The following VEGFC variants were observed in gnomAD, a reference collection of about 807,000 sequenced individuals.
The protein encoded by VEGFC is vascular endothelial growth factor C.
Under a neutral mutation model 46.1 loss-of-function variants are expected in VEGFC, and 12 were observed. The ratio of observed to expected loss-of-function variants is 0.26; its 90% CI spans 0.17 to 0.42. The LOEUF is 0.42. Among genes scored for constraint, VEGFC ranks in the 10% least tolerant of loss-of-function variants. VEGFC has a pLI of 1.00. For synonymous variants in VEGFC, 232 were observed against 195.5 expected, an observed-to-expected ratio of 1.19 and a Z score of -1.56; for missense variants, 488 against 529.4, an observed-to-expected ratio of 0.92 and a Z score of 0.77.
chr4:176,720,518 C>T (rs1159470075), intron 3 of VEGFC, among the ~76,000 whole-genome samples: 3 of 152,082 alleles, frequency 2.0e-5, no homozygotes, highest in Admixed American at 2.0e-4. Flanking sequence ...CAAGCAGACG[C>T]AATCTTTGTT....
chr4:176,711,633 C>A lies in VEGFC; in HGVS notation c.570G>T (p.Val190=). ...CTGGTTTGGGGCCTTGAGAGAGAGG[C>A]ACTGTAATTTCAAATAACTACAAAG... ...YLSKTLFEIT[V]PLSQGPKPVT... The change falls in exon 4 of 7, where the codon GTG becomes GTT. Residue 190 remains valine, a synonymous_variant. Transcript: ENST00000618562. 1.2e-6 allele frequency: 2 copies of A among 1,612,660 alleles called. No individual in the cohort carries two copies. Among genetic ancestry groups the A allele is most frequent in the Non-Finnish European group, 1.7e-6 (2 of 1,179,390 alleles).
intron 1 of VEGFC, among the ~76,000 whole-genome samples, chr4:176,783,862 A>AG (rs35273167): frequency 0.71 from 107,624 of 152,072 alleles, 44,077 homozygotes; most frequent in East Asian, 0.99. Context: ...ATTGTCAGTA[A>AG]TTTATAATTT....
chr4:176,746,626 A>G (rs192873310), intron 1 of VEGFC, among the ~76,000 whole-genome samples: 1 of 152,202 alleles, frequency 6.6e-6, no homozygotes, highest in Admixed American at 6.5e-5. Flanking sequence ...CTTGGTACTT[A>G]CATTTTGGAA....
chr4:176,769,525 C>A (rs368827096), intron 1 of VEGFC, among the ~76,000 whole-genome samples: 46 of 152,184 alleles, frequency 3.0e-4, no homozygotes, highest in Admixed American at 5.9e-4. Flanking sequence ...AATTAGCTAG[C>A]AGATATTACA....
intron 4 of VEGFC, among the ~76,000 whole-genome samples, chr4:176,688,956 C>G (rs1477358248): frequency 6.6e-6 from 1 of 152,154 alleles, no homozygotes; most frequent in East Asian, 1.9e-4. Context: ...TAGACCTTTT[C>G]AGGGGGCAGA....
intron 1 of VEGFC, among the ~76,000 whole-genome samples, chr4:176,756,245 A>AT (rs1735430887): frequency 6.6e-6 from 1 of 152,100 alleles, no homozygotes; most frequent in African/African-American, 2.4e-5. Context: ...CTTATAAGCT[A>AT]TTTTTTGAAT....
At position 176,695,149 on chromosome 4, in the gene VEGFC, T is replaced by C. The variant is rs1200203725; in HGVS notation, c.705-7222A>G. On this transcript the variant is annotated intron_variant, in intron 4 of 6. Coordinates refer to ENST00000618562, the MANE Select transcript of VEGFC (RefSeq NM_005429.5). ...AAAATCAGAGCAGAACTGAAGGAAA[T>C]AGAGACACAAAAAACCCTTCAAAAA... Among the ~76,000 whole-genome samples, 1,227 of 150,580 alleles carry C rather than the reference T, an allele frequency of 8.1e-3. 13 individuals are homozygous for C. The highest frequency in any genetic ancestry group is 0.034 in the Middle Eastern group (10 of 290).
At chr4:176,754,911 A>T (rs1735406566) in intron 1 of VEGFC, among the ~76,000 whole-genome samples, 1 of 152,102 alleles carries the variant, frequency 6.6e-6, no homozygotes, top group Non-Finnish European at 1.5e-5. Flanking sequence ...ATTACATAAA[A>T]ATATAACTTT....
chr4:176,760,314 AT>A (rs1437681980), intron 1 of VEGFC, among the ~76,000 whole-genome samples: 1 of 152,180 alleles, frequency 6.6e-6, no homozygotes, highest in Non-Finnish European at 1.5e-5. Context: ...AATATAGGCC[AT>A]TTTTAATTGA....
intron 1 of VEGFC, among the ~76,000 whole-genome samples, chr4:176,738,203 A>T (rs1735087966): frequency 6.6e-6 from 1 of 151,852 alleles, no homozygotes; most frequent in South Asian, 2.1e-4. Flanking sequence ...AAAAACTTTT[A>T]AAAAATTCAT....
intron 4 of VEGFC, among the ~76,000 whole-genome samples, chr4:176,706,847 T>C (rs1233327570): frequency 6.6e-6 from 1 of 152,180 alleles, no homozygotes; most frequent in African/African-American, 2.4e-5. Context: ...AAATAAAGAA[T>C]GTTTCTAACA....
At chr4:176,715,146 G>T (rs1432053868) in intron 3 of VEGFC, among the ~76,000 whole-genome samples, 2 of 152,060 alleles carry the variant, frequency 1.3e-5, no homozygotes, top group African/African-American at 4.8e-5. Context: ...ACAACATAAA[G>T]GAATCAAAAT....
chr4:176,741,704 G>C (rs1478245168), intron 1 of VEGFC, among the ~76,000 whole-genome samples: 1 of 151,708 alleles, frequency 6.6e-6, no homozygotes, highest in East Asian at 1.9e-4. Flanking sequence ...CTGTTCATTA[G>C]AAAAAAGAAA....
chr4:176,690,619 C>T (rs1413680201), intron 4 of VEGFC, among the ~76,000 whole-genome samples: 1 of 108,836 alleles, frequency 9.2e-6, no homozygotes, highest in Non-Finnish European at 2.3e-5. Context: ...TTATCCAAAA[C>T]AGTATCATTG....
intron 3 of VEGFC, among the ~76,000 whole-genome samples, chr4:176,718,501 A>G (rs1734731379): frequency 6.6e-6 from 1 of 152,166 alleles, no homozygotes; most frequent in Non-Finnish European, 1.5e-5. Flanking sequence ...ATACATGCTC[A>G]TATTATTGAT....
At chr4:176,689,544 T>C (rs188030225) in intron 4 of VEGFC, 1 of 152,266 alleles carries the variant, frequency 6.6e-6, no homozygotes, top group Admixed American at 6.5e-5. Flanking sequence ...CATATGACAG[T>C]TTGTCGAAGA....
intron 1 of VEGFC, among the ~76,000 whole-genome samples, chr4:176,779,478 G>T (rs1469947246): frequency 1.3e-5 from 2 of 152,088 alleles, no homozygotes; most frequent in African/African-American, 2.4e-5. Context: ...GGAAAGAAAA[G>T]AATGTGTAAT....
chr4:176,694,368 C>T (rs1560935945), intron 4 of VEGFC, among the ~76,000 whole-genome samples: 1 of 151,886 alleles, frequency 6.6e-6, no homozygotes, highest in East Asian at 1.9e-4. Flanking sequence ...CAACAAAGAT[C>T]AAAAGAGACA....
At chr4:176,742,180 G>A (rs1735187187) in intron 1 of VEGFC, among the ~76,000 whole-genome samples, 1 of 151,992 alleles carries the variant, frequency 6.6e-6, no homozygotes, top group African/African-American at 2.4e-5. Flanking sequence ...GTGAGAACAT[G>A]AAGTATTTGA....
Sources: gnomAD v4.1 joint callset for allele counts (sites outside exome capture counted in the v4.1 genomes callset) on GRCh38, gnomAD v4.1.1 for gene constraint, MANE v1.5 for transcripts, NCBI Gene and HGNC (gene_info 2026-07-23, HGNC 2026-07-21) for gene names.